CUX1: variants seen among roughly 807,000 people sequenced by gnomAD.
The protein encoded by CUX1 is cut like homeobox 1, also known as protein CASP.
In CUX1, 31 loss-of-function variants were observed where a neutral mutation model predicts 158.8. The observed-to-expected ratio is 0.20, with a 90% CI of 0.15 to 0.26. The LOEUF (loss-of-function observed/expected upper bound fraction) is 0.26. Ranked by LOEUF, CUX1 falls within the 10% of genes least tolerant of loss-of-function variation. The pLI is 1.00. For synonymous variants in CUX1, 879 were observed against 862.1 expected (o/e 1.02, Z -0.34); for missense variants, 1,589 against 2,014.6 (o/e 0.79, Z 4.04).
intron 5 of CUX1, among the ~76,000 whole-genome samples, chr7:102,102,863 G>A (rs544786104): frequency 1.3e-5 from 2 of 152,140 alleles, no homozygotes; most frequent in South Asian, 2.1e-4. Flanking sequence ...GGAGGAGGGC[G>A]CACGTGGAGT....
intron 8 of CUX1, among the ~76,000 whole-genome samples, chr7:102,131,084 G>A (rs1381793853): frequency 6.7e-6 from 1 of 150,322 alleles, no homozygotes; most frequent in African/African-American, 2.5e-5. Flanking sequence ...ATTTCAGCCT[G>A]GTCAACAGAG....
intron 6 of CUX1, among the ~76,000 whole-genome samples, chr7:102,109,510 G>A (rs1044408382): frequency 2.0e-5 from 3 of 152,116 alleles, no homozygotes; most frequent in Non-Finnish European, 4.4e-5. Context: ...GTGGCCAGGC[G>A]AGGTGGCTCA....
chr7:101,858,613 C>A (rs560845268), intron 1 of CUX1, among the ~76,000 whole-genome samples: 80 of 150,444 alleles, frequency 5.3e-4, no homozygotes, highest in African/African-American at 1.9e-3. Context: ...TAGTTGTGAG[C>A]TGTGGTGGTT....
Position 102,253,741 on chromosome 7 carries a change from C to G in CUX1, c.*4699C>G, listed in dbSNP as rs1801771957. The stretch of plus-strand genomic sequence containing the variant: ...CCAGTAAAAACAAAAGCCCATAGAC[C>G]TTACTCATCCCAAGGCCGACAAGCC... On this transcript the variant is annotated 3_prime_UTR_variant, in exon 24 of 24. Coordinates refer to ENST00000292535, the MANE Select transcript of CUX1 (RefSeq NM_181552.4). 1 of 985,368 alleles carries G rather than the reference C, an allele frequency of 1.0e-6. No homozygotes were observed. Among genetic ancestry groups the G allele is most frequent in the Non-Finnish European group, 1.2e-6 (1 of 829,994 alleles). 61.0% of individuals were successfully genotyped at this position (985,368 alleles called of 1,614,324 possible). A position where few individuals can be genotyped will look rare whatever the true frequency, so the allele number is the denominator to read the frequency against.
intron 11 of CUX1, among the ~76,000 whole-genome samples, chr7:102,182,153 C>A (rs1554514173): frequency 6.6e-6 from 1 of 152,186 alleles, no homozygotes. Context: ...CTGGGCTCAG[C>A]TGTTTGGAGT....
intron 6 of CUX1, among the ~76,000 whole-genome samples, chr7:102,106,744 G>A (rs879976544): frequency 3.9e-5 from 6 of 152,120 alleles, no homozygotes; most frequent in South Asian, 4.1e-4. Context: ...CCTACCTCAC[G>A]AGACCAGTCA....
At chr7:102,095,894 C>T (rs149260711) in intron 4 of CUX1, among the ~76,000 whole-genome samples, 76 of 152,308 alleles carry the variant, frequency 5.0e-4, no homozygotes, top group African/African-American at 1.3e-3. Context: ...ACCCAGCAGG[C>T]GGAATATAAT....
At chr7:102,213,575 A>T (rs369777602) in intron 20 of CUX1, among the ~76,000 whole-genome samples, 1 of 152,204 alleles carries the variant, frequency 6.6e-6, no homozygotes, top group South Asian at 2.1e-4. Context: ...GCTTGTAGAC[A>T]CATCCCGTTC....
Position 102,201,785 on chromosome 7 carries a change from C to A in CUX1, c.2488C>A (p.Pro830Thr). 1 of 1,612,662 alleles carries A rather than the reference C, an allele frequency of 6.2e-7. No homozygotes were observed. The highest frequency in any genetic ancestry group is 8.5e-7 in the Non-Finnish European group (1 of 1,179,892). Residue 830 changes from proline to threonine, a missense_variant, in exon 18 of 24, where the codon CCG (proline) becomes ACG (threonine). By Grantham distance (38) the Pro-to-Thr change is conservative (BLOSUM62 -1). Transcript: ENST00000292535. This position sits in a 1 kb window ranked among gnomAD's most constrained non-coding sequence, Gnocchi z 5.0. The part of the protein sequence containing the change: ...WKDHWWSAVQ[P>T]ERRNAASSEE... Reference sequence around the variant, plus strand: ...GGACCACTGGTGGAGCGCGGTGCAGCCGGAGAGAAGAAATGCCGCCTCCTC... The same window carrying A: ...GGACCACTGGTGGAGCGCGGTGCAGACGGAGAGAAGAAATGCCGCCTCCTC...
chr7:101,955,891 T>TA (rs36062543), intron 2 of CUX1, among the ~76,000 whole-genome samples: 185 of 143,362 alleles, frequency 1.3e-3, no homozygotes, highest in African/African-American at 2.3e-3. Flanking sequence ...TTTCTAAGGT[T>TA]AAAAAAAAAA....
chr7:102,126,812 C>T (rs1368416294), intron 8 of CUX1, among the ~76,000 whole-genome samples: 3 of 152,134 alleles, frequency 2.0e-5, no homozygotes, highest in Non-Finnish European at 4.4e-5. Flanking sequence ...ATTATTATGA[C>T]ATTGTAATAT....
chr7:101,886,403 G>A (rs1166754886), intron 1 of CUX1, among the ~76,000 whole-genome samples: 1 of 152,110 alleles, frequency 6.6e-6, no homozygotes, highest in Non-Finnish European at 1.5e-5. Flanking sequence ...GCTTCACTGT[G>A]TTGCCCAGGC....
intron 1 of CUX1, among the ~76,000 whole-genome samples, chr7:101,909,324 G>A (rs1039683033): frequency 1.3e-5 from 2 of 152,136 alleles, no homozygotes; most frequent in East Asian, 1.9e-4. Flanking sequence ...GCCGAGGTGG[G>A]AAAATTGCTT....
At chr7:101,992,230 C>T (rs1010449975) in intron 2 of CUX1, among the ~76,000 whole-genome samples, 7 of 151,984 alleles carry the variant, frequency 4.6e-5, no homozygotes, top group African/African-American at 1.2e-4. Context: ...GAAAGTGGGA[C>T]GGGGTTGGGG....
intron 8 of CUX1, among the ~76,000 whole-genome samples, chr7:102,140,641 C>T (rs1395873207): frequency 6.6e-6 from 1 of 151,222 alleles, no homozygotes; most frequent in Non-Finnish European, 1.5e-5. Flanking sequence ...GGGAGAATCA[C>T]TTGAGGTCAG....
chr7:101,824,393 CTCT>C (rs1562888935), intron 1 of CUX1: 1 of 152,254 alleles, frequency 6.6e-6, no homozygotes, highest in Non-Finnish European at 1.5e-5. Context: ...CTGGCCTCCA[CTCT>C]TTTTAGACAC....
intron 22 of CUX1, among the ~76,000 whole-genome samples, chr7:102,235,352 C>T (rs782170551): frequency 9.9e-5 from 15 of 152,264 alleles, no homozygotes; most frequent in South Asian, 4.1e-4. Flanking sequence ...CCGGTCTGAC[C>T]GTAAGAAGCG....
At chr7:102,238,298 G>GC (rs1363940766) in intron 22 of CUX1, among the ~76,000 whole-genome samples, 2 of 152,130 alleles carry the variant, frequency 1.3e-5, no homozygotes, top group African/African-American at 4.8e-5. Context: ...GGTCCGCCTG[G>GC]CAACGGGCGT....
At chr7:101,955,746 A>G (rs1207496216) in intron 2 of CUX1, among the ~76,000 whole-genome samples, 1 of 152,224 alleles carries the variant, frequency 6.6e-6, no homozygotes, top group Non-Finnish European at 1.5e-5. Flanking sequence ...AGAAAAGGGA[A>G]CTTGAAGAGA....
Sources: gnomAD v4.1 joint callset for allele counts (sites outside exome capture counted in the v4.1 genomes callset) on GRCh38, gnomAD v4.1.1 for gene constraint, Gnocchi (gnomAD v3.1) non-coding constraint, MANE v1.5 for transcripts, NCBI Gene and HGNC (gene_info 2026-07-23, HGNC 2026-07-21) for gene names.